AP5Z1: variants seen among roughly 807,000 people sequenced by gnomAD.
AP5Z1 encodes AP-5 complex subunit zeta-1.
Under a neutral mutation model 83.0 loss-of-function variants are expected in AP5Z1, and 106 were observed. The ratio of observed to expected loss-of-function variants is 1.28; its 90% CI spans 1.09 to 1.50. The LOEUF (loss-of-function observed/expected upper bound fraction) is 1.50. Among genes scored for constraint, AP5Z1 ranks in the 40% most tolerant of loss-of-function variants. The pLI is 0.00. For synonymous variants in AP5Z1, 751 were observed against 514.1 expected, an observed-to-expected ratio of 1.46 and a Z score of -6.23; for missense variants, 1,565 against 1,094.2, an observed-to-expected ratio of 1.43 and a Z score of -6.07.
At chr7:4,786,904 G>C (rs1781565157) in intron 10 of AP5Z1, among the ~76,000 whole-genome samples, 1 of 152,094 alleles carries the variant, frequency 6.6e-6, no homozygotes, top group Non-Finnish European at 1.5e-5. Flanking sequence ...CTGAGTAGTT[G>C]AGATTACAGG....
chr7:4,784,402 G>A, intron 6 of AP5Z1, 31 bp downstream of exon 6: 1 of 1,562,662 alleles, frequency 6.4e-7, no homozygotes, highest in South Asian at 1.2e-5. Flanking sequence ...ACGTCAGACA[G>A]GGGTGGGAGG....
rs1439707706 is a variant in AP5Z1 at position 4,791,366 on chromosome 7, C to T, written c.2405C>T (p.Ala802Val). 1.2e-6 allele frequency: 2 copies of T among 1,606,970 alleles called. No individual in the cohort carries two copies. Among genetic ancestry groups the T allele is most frequent in the African/African-American group, 1.3e-5 (1 of 74,806 alleles). The change falls in exon 17 of 17, where the codon GCC becomes GTC. Residue 802 changes from alanine (A) to valine (V), a missense_variant. Physicochemically the swap from Ala to Val is moderately conservative, Grantham distance 64. Transcript: ENST00000649063. ...GTCAGCCGGCTGGTGGAGAGGGAGG[C>T]CGGCCTCATGCCAGGGTGAAGGGAC... ...RTVSRLVERE[A>V]GLMPG is the part of the protein sequence containing the mutation.
intron 7 of AP5Z1, 126 bp from the exon 8 acceptor site, chr7:4,785,289 C>A: frequency 1.5e-6 from 2 of 1,378,840 alleles, no homozygotes; most frequent in Non-Finnish European, 1.9e-6. Context: ...CACTCAAGTC[C>A]TCCTGGGGGC....
At chr7:4,787,995 C>A (rs762199571) in intron 11 of AP5Z1, among the ~76,000 whole-genome samples, 159 bp from the exon 12 acceptor site, 3 of 152,142 alleles carry the variant, frequency 2.0e-5, no homozygotes, top group Non-Finnish European at 2.9e-5. Context: ...GAGTGCCTCA[C>A]CCGTCTTCAC....
rs1583247709 is a variant in AP5Z1 at position 4,794,092 on chromosome 7, C to T, written c.*2707C>T. 1 of 152,422 alleles carries T rather than the reference C, an allele frequency of 6.6e-6. No individual in the cohort carries two copies. Among genetic ancestry groups the T allele is most frequent in the African/African-American group, 2.4e-5 (1 of 41,432 alleles). 9.4% of individuals were successfully genotyped at this position (152,422 alleles called of 1,614,324 possible). On this transcript the variant is annotated 3_prime_UTR_variant, in exon 17 of 17. Transcript: ENST00000649063. Reference sequence around the variant, plus strand: ...GTCTAGCTCAGGGTTTGTGAATGCACCAATAGACACTCTGTATCTAGCTAC... The same window carrying T: ...GTCTAGCTCAGGGTTTGTGAATGCATCAATAGACACTCTGTATCTAGCTAC...
At chr7:4,789,108 C>T (rs1781658450) in intron 13 of AP5Z1, 157 bp downstream of exon 13, 4 of 635,112 alleles carry the variant, frequency 6.3e-6, no homozygotes, top group South Asian at 2.0e-5. Flanking sequence ...GCACATGCCA[C>T]AGCCCCGGCA....
Position 4,784,381 on chromosome 7 carries a change from G to A in AP5Z1, c.790+10G>A, listed in dbSNP as rs2115109800. On this transcript the variant is annotated intron_variant, in intron 6 of 16. Coordinates refer to ENST00000649063, the MANE Select transcript of AP5Z1 (RefSeq NM_014855.3). ...GGCACCCTGGACACAGGTGTGCGGGGTGGGGGGATGACGTCAGACAGGGGT... is the reference window on the plus strand; with the variant it reads ...GGCACCCTGGACACAGGTGTGCGGGATGGGGGGATGACGTCAGACAGGGGT... 14 of 1,588,152 alleles carry A rather than the reference G, an allele frequency of 8.8e-6. No individual in the cohort carries two copies. Among genetic ancestry groups the A allele is most frequent in the Non-Finnish European group, 1.2e-5 (14 of 1,170,284 alleles).
chr7:4,791,130 G>C lies in AP5Z1; in HGVS notation c.2169G>C (p.Leu723=), dbSNP rs367835948. 6.2e-7 allele frequency: 1 copy of C among 1,601,460 alleles called. No individual in the cohort carries two copies. The highest frequency in any genetic ancestry group is 1.3e-5 in the African/African-American group (1 of 74,704). Residue 723 remains leucine (L), a synonymous_variant, in exon 17 of 17, where the codon CTG becomes CTC. Coordinates refer to ENST00000649063, the MANE Select transcript of AP5Z1 (RefSeq NM_014855.3). The part of the protein sequence containing the change: ...QDLIPRASLL[L]SKMRTLAHSP... ...CTTTCCCCAGGGCCTCTTTATTGCTGTCAAAGATGAGGACCCTGGCTCACA... is the reference window on the plus strand; with the variant it reads ...CTTTCCCCAGGGCCTCTTTATTGCTCTCAAAGATGAGGACCCTGGCTCACA...
At chr7:4,778,152 G>C (rs1781274857) in intron 1 of AP5Z1, among the ~76,000 whole-genome samples, 1 of 152,220 alleles carries the variant, frequency 6.6e-6, no homozygotes, top group African/African-American at 2.4e-5. Flanking sequence ...TTGAGCCAAG[G>C]AGGTTGAGGC....
At chr7:4,790,365 C>CAG in intron 14 of AP5Z1, 94 bp from the exon 15 acceptor site, 1 of 1,585,392 alleles carries the variant, frequency 6.3e-7, no homozygotes, top group Non-Finnish European at 8.6e-7. Context: ...ACCTACCACT[C>CAG]AGACGCTTCC....
chr7:4,789,816 C>T lies in AP5Z1; in HGVS notation c.1708-16C>T, dbSNP rs551043856. On this transcript the variant is annotated splice_polypyrimidine_tract_variant and intron_variant, in intron 13 of 16. Transcript: ENST00000649063. ...TGGGGGTGGGGCTGAGCCTGTTTCC[C>T]ACTCCTGACCCCCAGGTGGCTGACG... The T allele has an allele frequency of 7.5e-5, 116 of 1,549,234 alleles. No homozygotes were observed. Among genetic ancestry groups the T allele is most frequent in the Non-Finnish European group, 9.7e-5 (111 of 1,145,844 alleles).
intron 12 of AP5Z1, chr7:4,788,547 T>A: frequency 1.9e-6 from 1 of 527,948 alleles, no homozygotes; most frequent in Non-Finnish European, 3.2e-6. Context: ...CTGTGGGTGC[T>A]CCATTTTGCA....
intron 1 of AP5Z1, among the ~76,000 whole-genome samples, chr7:4,776,867 G>C (rs982573907): frequency 6.6e-6 from 1 of 152,206 alleles, no homozygotes. Flanking sequence ...GGTGCAGTGA[G>C]CCAAGATCGC....
intron 9 of AP5Z1, among the ~76,000 whole-genome samples, 171 bp downstream of exon 9, chr7:4,785,855 C>T (rs1757558432): frequency 1.3e-5 from 2 of 151,436 alleles, no homozygotes; most frequent in Admixed American, 6.6e-5. Flanking sequence ...GATCCTCCTG[C>T]CTTGGCCTCC....
chr7:4,790,228 G>C, intron 14 of AP5Z1: 23 of 1,549,654 alleles, frequency 1.5e-5, no homozygotes, highest in Non-Finnish European at 2.0e-5. Context: ...GATGCATGCA[G>C]GCCCATCCTG....
chr7:4,784,716 C>T (rs1781484544), intron 6 of AP5Z1, among the ~76,000 whole-genome samples, 192 bp from the exon 7 acceptor site: 1 of 152,186 alleles, frequency 6.6e-6, no homozygotes, highest in Admixed American at 6.5e-5. Context: ...GGGGAAGAAG[C>T]CTCAGCCACC....
At chr7:4,786,531 G>C in intron 10 of AP5Z1, 103 bp downstream of exon 10, 2 of 1,321,482 alleles carry the variant, frequency 1.5e-6, no homozygotes, top group Non-Finnish European at 2.1e-6. Context: ...GCTGAGCATA[G>C]AGCCCTGTGA....
intron 3 of AP5Z1, among the ~76,000 whole-genome samples, chr7:4,783,100 C>T (rs1177906754): frequency 1.3e-5 from 2 of 152,242 alleles, no homozygotes; most frequent in African/African-American, 4.8e-5. Context: ...AGGCCCCCTC[C>T]AGCCTCAGCG....
In AP5Z1 at chr7:4,792,148, C is replaced by A. The variant is rs1781798364; in HGVS notation, c.*763C>A. 1 of 152,242 alleles carries A rather than the reference C, an allele frequency of 6.6e-6. No homozygotes were observed. The highest frequency in any genetic ancestry group is 2.4e-5 in the African/African-American group (1 of 41,438). The allele number at this position is 152,242 out of a possible 1,614,324, so 9.4% of individuals were successfully genotyped here. On this transcript the variant is annotated 3_prime_UTR_variant, in exon 17 of 17. Transcript: ENST00000649063. ...GAAGGGGAGGTGTCTGGGCGTGCGG[C>A]CCCAGCCCCGCCACCTTCCTGGGCC...
Sources: allele counts gnomAD v4.1 joint callset (sites outside exome capture counted in the v4.1 genomes callset), GRCh38; gene constraint gnomAD v4.1.1; transcripts MANE v1.5; gene names NCBI Gene and HGNC (gene_info 2026-07-23, HGNC 2026-07-21).